PRPSAP1: variants seen among roughly 807,000 people sequenced by gnomAD.
PRPSAP1 encodes phosphoribosyl pyrophosphate synthetase associated protein 1.
Under a neutral mutation model 39.4 loss-of-function variants are expected in PRPSAP1, and 31 were observed. The ratio of observed to expected loss-of-function variants is 0.79; its 90% CI spans 0.59 to 1.06. The LOEUF is 1.06. PRPSAP1 is among the 50% of genes least tolerant of loss of function. PRPSAP1 has a pLI of 0.00. For synonymous variants in PRPSAP1, 212 were observed against 192.6 expected (o/e 1.10, Z -0.83); for missense variants, 430 against 511.6 (o/e 0.84, Z 1.54).
intron 3 of PRPSAP1, among the ~76,000 whole-genome samples, chr17:76,339,675 T>C (rs918762240): frequency 6.6e-6 from 1 of 151,408 alleles, no homozygotes; most frequent in Non-Finnish European, 1.5e-5. Flanking sequence ...CAGGAGAGGG[T>C]TCTGGTTTTC....
At chr17:76,345,138 G>A (rs2071482684) in intron 2 of PRPSAP1, among the ~76,000 whole-genome samples, 1 of 150,396 alleles carries the variant, frequency 6.6e-6, no homozygotes. Flanking sequence ...GGGAGGCTGA[G>A]GCAGGAGAAT....
At chr17:76,329,061 T>C (rs1351275695) in intron 6 of PRPSAP1, 199 bp from the exon 7 acceptor site, 3 of 582,298 alleles carry the variant, frequency 5.2e-6, no homozygotes, top group East Asian at 6.6e-5. Flanking sequence ...TGGGATTGTA[T>C]CTGATTCTAG....
At chr17:76,345,017 C>T (rs989601296) in intron 2 of PRPSAP1, among the ~76,000 whole-genome samples, 10 of 151,750 alleles carry the variant, frequency 6.6e-5, no homozygotes, top group East Asian at 1.9e-4. Context: ...GGGCAGATCA[C>T]GAGGTCAGGA....
At chr17:76,315,700 CTTTTTTTTTTT>C (rs71161279) in intron 7 of PRPSAP1, among the ~76,000 whole-genome samples, 21 of 72,676 alleles carry the variant, frequency 2.9e-4, no homozygotes, top group East Asian at 5.3e-4. Context: ...GACCTATCCG[CTTTTTTTTTTT>C]TTTTTTTTTT....
At chr17:76,319,591 C>T (rs1291047158) in intron 7 of PRPSAP1, 3 of 152,062 alleles carry the variant, frequency 2.0e-5, no homozygotes, top group South Asian at 2.1e-4. Context: ...GCCTCAGCCT[C>T]CTGAGTAGTT....
chr17:76,340,805 G>A (rs1262285685), intron 3 of PRPSAP1, among the ~76,000 whole-genome samples: 5 of 151,602 alleles, frequency 3.3e-5, no homozygotes. Flanking sequence ...CAGGAGAATT[G>A]CTTGAACCTG....
chr17:76,353,916 C>T lies in PRPSAP1; in HGVS notation c.-213G>A. 2.3e-6 allele frequency: 3 copies of T among 1,325,676 alleles called. No individual in the cohort carries two copies. The highest frequency in any genetic ancestry group is 2.9e-6 in the Non-Finnish European group (3 of 1,043,366). The allele number at this position is 1,325,676 out of a possible 1,614,324, so 82.1% of individuals were successfully genotyped here. On this transcript the variant is annotated 5_prime_UTR_variant, in exon 1 of 10. Coordinates refer to ENST00000446526, the MANE Select transcript of PRPSAP1 (RefSeq NM_002766.3). ...GGCGCCGCCGCCTCAGAGCCAGAGG[C>T]AAGGCCACCGCCCCCTCCGGGCATC...
chr17:76,352,548 G>T (rs1001586437), intron 1 of PRPSAP1, among the ~76,000 whole-genome samples: 1 of 151,684 alleles, frequency 6.6e-6, no homozygotes, highest in South Asian at 2.1e-4. Context: ...GGGAGGCTGG[G>T]GCAGGACAAT....
At chr17:76,336,603 A>G (rs891051706) in intron 3 of PRPSAP1, among the ~76,000 whole-genome samples, 2 of 147,122 alleles carry the variant, frequency 1.4e-5, no homozygotes, top group Non-Finnish European at 3.0e-5. Context: ...ATGGTGGTGC[A>G]TGCCTGTAAT....
chr17:76,324,994 G>T (rs928588744), intron 7 of PRPSAP1, among the ~76,000 whole-genome samples: 2 of 151,286 alleles, frequency 1.3e-5, no homozygotes. Flanking sequence ...TGTGAACCTG[G>T]GGGGTGGAGC....
intron 7 of PRPSAP1, among the ~76,000 whole-genome samples, chr17:76,325,428 A>AG (rs2071245790): frequency 6.8e-6 from 1 of 147,980 alleles, no homozygotes; most frequent in Non-Finnish European, 1.5e-5. Context: ...AAAAAAAAAA[A>AG]AAAAAAAAAG....
At chr17:76,312,773 A>G (rs990809696) in intron 9 of PRPSAP1, 97 bp downstream of exon 9, 1 of 1,461,476 alleles carries the variant, frequency 6.8e-7, no homozygotes, top group African/African-American at 1.4e-5. Flanking sequence ...TAGAAAAGCT[A>G]TAGACAGATT....
At chr17:76,352,067 A>T (rs1384824305) in intron 1 of PRPSAP1, among the ~76,000 whole-genome samples, 1 of 145,772 alleles carries the variant, frequency 6.9e-6, no homozygotes, top group Non-Finnish European at 1.5e-5. Flanking sequence ...TCCAACTATT[A>T]AAAAAAAAAA....
chr17:76,314,942 A>G (rs1039070364), intron 7 of PRPSAP1, among the ~76,000 whole-genome samples: 1 of 152,226 alleles, frequency 6.6e-6, no homozygotes, highest in Admixed American at 6.5e-5. Flanking sequence ...GAAACAGCGA[A>G]AGGCTGCCAG....
chr17:76,319,017 G>C (rs1293678403), intron 7 of PRPSAP1, among the ~76,000 whole-genome samples: 1 of 152,054 alleles, frequency 6.6e-6, no homozygotes, highest in Admixed American at 6.6e-5. Context: ...TCAGCTCACT[G>C]CAACCTCCGC....
intron 3 of PRPSAP1, among the ~76,000 whole-genome samples, chr17:76,342,336 G>C (rs1427653611): frequency 6.6e-6 from 1 of 152,138 alleles, no homozygotes; most frequent in Non-Finnish European, 1.5e-5. Context: ...TCATCATAGT[G>C]AAAGAGCCAT....
At position 76,332,272 on chromosome 17, in the gene PRPSAP1, C is replaced by T. The variant is rs1803757; in HGVS notation, c.454G>A (p.Ala152Thr). 13 of 1,613,930 alleles carry T rather than the reference C, an allele frequency of 8.1e-6. No homozygotes were observed. The highest frequency in any genetic ancestry group is 5.9e-6 in the Non-Finnish European group (7 of 1,179,974). ...CCCCGCGCACACTCACCTGCTTTCGCCAGCATGGATGCTAGCAGCTTGCAC... is the reference window on the plus strand; with the variant it reads ...CCCCGCGCACACTCACCTGCTTTCGTCAGCATGGATGCTAGCAGCTTGCAC... ...IVCKLLASML[A>T]KAGLTHIITM... The change falls in exon 4 of 10, where the codon GCG (alanine) becomes ACG (threonine). Residue 152 changes from alanine (A) to threonine (T), a missense_variant. Ala to Thr is a moderately conservative substitution (Grantham distance 58, BLOSUM62 0). Around this residue, in one of 2 missense-constraint regions of PRPSAP1, gnomAD observed 278 missense variants for 376.3 expected, o/e 0.74. Transcript: ENST00000446526.
At chr17:76,347,921 A>C (rs1260436228) in intron 2 of PRPSAP1, among the ~76,000 whole-genome samples, 1 of 152,188 alleles carries the variant, frequency 6.6e-6, no homozygotes, top group African/African-American at 2.4e-5. Context: ...AAGGGGTAGA[A>C]TCTGGATTCC....
intron 1 of PRPSAP1, among the ~76,000 whole-genome samples, chr17:76,348,974 T>A (rs1478567263): frequency 6.6e-6 from 1 of 152,206 alleles, no homozygotes; most frequent in East Asian, 1.9e-4. Context: ...CCAAATGTGG[T>A]GTGGATCTTG....
Sources: gnomAD v4.1 joint callset for allele counts (sites outside exome capture counted in the v4.1 genomes callset) on GRCh38, gnomAD v4.1.1 for gene constraint, gnomAD v4.1.1 regional missense constraint, MANE v1.5 for transcripts, NCBI Gene and HGNC (gene_info 2026-07-23, HGNC 2026-07-21) for gene names.